SHANK2: variants seen among roughly 807,000 people sequenced by gnomAD.
The protein encoded by SHANK2 is SH3 and multiple ankyrin repeat domains protein 2.
In SHANK2, 43 loss-of-function variants were observed where a neutral mutation model predicts 133.7. The ratio of observed to expected loss-of-function variants is 0.32; its 90% CI spans 0.25 to 0.41. The LOEUF is 0.41. SHANK2 is among the 10% of genes least tolerant of loss of function. The pLI, the probability that SHANK2 is intolerant of heterozygous loss-of-function variation, is 1.00. For synonymous variants in SHANK2, 1,017 were observed against 952.8 expected (o/e 1.07, Z -1.24); for missense variants, 1,994 against 2,235.8 (o/e 0.89, Z 2.18).
chr11:70,826,943 T>G (rs1223261742), intron 11 of SHANK2, among the ~76,000 whole-genome samples: 1 of 152,250 alleles, frequency 6.6e-6, no homozygotes, highest in Non-Finnish European at 1.5e-5. Flanking sequence ...TGCTGGGCGC[T>G]CCATGCGCCT....
intron 12 of SHANK2, among the ~76,000 whole-genome samples, chr11:70,815,173 GAAACACAC>G (rs1948363301): frequency 3.4e-5 from 4 of 117,962 alleles, no homozygotes; most frequent in African/African-American, 1.3e-4. Flanking sequence ...GATGGGAGAA[GAAACACAC>G]ACACACACAC....
At chr11:71,072,951 G>A (rs1009979204) in intron 9 of SHANK2, among the ~76,000 whole-genome samples, 1,590 of 152,076 alleles carry the variant, frequency 0.01, 23 homozygotes, top group African/African-American at 0.033. Context: ...GATTAAGAGA[G>A]TTCTGGAGAT....
rs1236992285 is a variant in SHANK2, at chr11:70,599,631, A to G, written c.2061+60197T>C. Among the ~76,000 whole-genome samples the G allele has an allele frequency of 2.6e-4, 28 of 109,278 alleles. 3 individuals carry two copies. Among genetic ancestry groups the G allele is most frequent in the African/African-American group, 8.4e-4 (26 of 31,110 alleles). 71.7% of individuals were successfully genotyped at this position (109,278 alleles called of 152,430 possible). A position where few individuals can be genotyped will look rare whatever the true frequency, so the allele number is the denominator to read the frequency against. On this transcript the variant is annotated intron_variant, in intron 17 of 25. Transcript: ENST00000601538. ...AAAAAAAAAAAAAAAAAAAAAAAAA[A>G]AAAAAAAAAAATTGGCTGGGTGTGG...
rs79062932 is a variant in SHANK2 at position 71,128,091 on chromosome 11, G to A, written c.208-9059C>T. ...GGGTGGGAACACAAGGAGCTGCTCCGACTGCCCACGGCCCTCAGGCCAGCT... is the reference window on the plus strand; with the variant it reads ...GGGTGGGAACACAAGGAGCTGCTCCAACTGCCCACGGCCCTCAGGCCAGCT... On this transcript the variant is annotated intron_variant, in intron 3 of 25. Transcript: ENST00000601538. 6.4e-3 allele frequency among the ~76,000 whole-genome samples: 968 copies of A among 152,342 alleles called. 11 individuals carry two copies. Among genetic ancestry groups the A allele is most frequent in the African/African-American group, 0.021 (877 of 41,582 alleles).
chr11:70,503,048 A>G, intron 17 of SHANK2, 117 bp from the exon 18 acceptor site: 1 of 1,124,000 alleles, frequency 8.9e-7, no homozygotes, highest in Non-Finnish European at 1.3e-6. Flanking sequence ...CAGGGAAGCA[A>G]AGGGAGTGAG....
intron 10 of SHANK2, among the ~76,000 whole-genome samples, chr11:70,925,543 G>A (rs1304493723): frequency 6.6e-6 from 1 of 152,190 alleles, no homozygotes; most frequent in Non-Finnish European, 1.5e-5. Context: ...AAAAACATAT[G>A]AATCAAATCA....
chr11:70,485,554 G>A lies in SHANK2; in HGVS notation c.4739C>T (p.Pro1580Leu). The change falls in exon 25 of 26, where the codon CCC becomes CTC. Residue 1580 changes from proline (P) to leucine (L), a missense_variant. Physicochemically the swap from Pro to Leu is moderately conservative, Grantham distance 98. Transcript: ENST00000601538. The surrounding 1 kb of genome is among the most constrained non-coding windows in gnomAD (Gnocchi z 5.8). ...ACTGCCCGGCGGGGGCGGGGGAGCG[G>A]GCGGGGGGATAACAAAGCTATCTAC... ...EDVDSFVIPP[P>L]APPPPPGSAQ... The A allele has an allele frequency of 6.2e-7, 1 of 1,612,968 alleles. No individual in the cohort carries two copies. The highest frequency in any genetic ancestry group is 8.5e-7 in the Non-Finnish European group (1 of 1,180,032).
chr11:71,184,017 A>T (rs782535359), intron 2 of SHANK2, among the ~76,000 whole-genome samples: 1 of 152,124 alleles, frequency 6.6e-6, no homozygotes, highest in East Asian at 1.9e-4. Flanking sequence ...GACGCTCCTG[A>T]CTGGGGAGCA....
At chr11:70,713,023 C>A (rs1945827018) in intron 14 of SHANK2, among the ~76,000 whole-genome samples, 1 of 152,238 alleles carries the variant, frequency 6.6e-6, no homozygotes, top group South Asian at 2.1e-4. Context: ...GGGTAAGACC[C>A]CAGCAGCGAG....
intron 2 of SHANK2, among the ~76,000 whole-genome samples, chr11:71,158,252 G>GT: frequency 6.6e-6 from 1 of 151,720 alleles, no homozygotes; most frequent in East Asian, 1.9e-4. Context: ...CATAAAACTA[G>GT]TTAAAAAAAA....
intron 1 of SHANK2, among the ~76,000 whole-genome samples, chr11:71,225,284 G>T (rs535198282): frequency 6.6e-6 from 1 of 152,194 alleles, no homozygotes; most frequent in Non-Finnish European, 1.5e-5. Context: ...AGCAAAGGCC[G>T]AGTAGGGAGT....
At chr11:70,761,579 C>G (rs1409618679) in intron 14 of SHANK2, among the ~76,000 whole-genome samples, 1 of 152,208 alleles carries the variant, frequency 6.6e-6, no homozygotes, top group Non-Finnish European at 1.5e-5. Context: ...ACCAGTGTTC[C>G]CCTCACATTC....
chr11:71,249,171 CAACA>C (rs1343499030), intron 1 of SHANK2, among the ~76,000 whole-genome samples: 2 of 152,276 alleles, frequency 1.3e-5, no homozygotes, highest in African/African-American at 4.8e-5. Flanking sequence ...TACAGCCTCT[CAACA>C]AGTGATTCAT....
At chr11:70,640,331 C>T (rs543478726) in intron 17 of SHANK2, among the ~76,000 whole-genome samples, 29 of 152,178 alleles carry the variant, frequency 1.9e-4, no homozygotes, top group Admixed American at 1.7e-3. Context: ...GAGAAGGCCA[C>T]GTGAAGATGG....
At chr11:71,216,140 C>T (rs926721483) in intron 2 of SHANK2, among the ~76,000 whole-genome samples, 16 of 152,104 alleles carry the variant, frequency 1.1e-4, no homozygotes, top group African/African-American at 2.4e-5. Context: ...CCGAGAGAAA[C>T]GAAATCGCGT....
At chr11:70,645,639 C>T (rs986943848) in intron 17 of SHANK2, among the ~76,000 whole-genome samples, 30 of 152,282 alleles carry the variant, frequency 2.0e-4, no homozygotes, top group East Asian at 3.9e-4. Flanking sequence ...GCATATGTCA[C>T]GAATTGGAGG....
chr11:71,088,178 C>T (rs1432794505), intron 8 of SHANK2, among the ~76,000 whole-genome samples: 5 of 152,214 alleles, frequency 3.3e-5, no homozygotes, highest in Non-Finnish European at 5.9e-5. Context: ...CTGCCAGAGA[C>T]AAACAGGATC....
At chr11:70,572,911 T>C (rs1218390308) in intron 17 of SHANK2, among the ~76,000 whole-genome samples, 1 of 152,028 alleles carries the variant, frequency 6.6e-6, no homozygotes, top group Non-Finnish European at 1.5e-5. Flanking sequence ...CCAAGAGAAA[T>C]GAAGGCACCT....
At chr11:70,903,319 G>A (rs1437557564) in intron 10 of SHANK2, among the ~76,000 whole-genome samples, 1 of 151,732 alleles carries the variant, frequency 6.6e-6, no homozygotes, top group Non-Finnish European at 1.5e-5. Flanking sequence ...GGAGGTTGCA[G>A]TGAGCTGAGA....
Sources: gnomAD v4.1 joint callset for allele counts (sites outside exome capture counted in the v4.1 genomes callset) on GRCh38, gnomAD v4.1.1 for gene constraint, Gnocchi (gnomAD v3.1) non-coding constraint, MANE v1.5 for transcripts, NCBI Gene and HGNC (gene_info 2026-07-23, HGNC 2026-07-21) for gene names.